The following C12orf42 variants were observed in gnomAD, a reference collection of about 807,000 sequenced individuals.
The protein encoded by C12orf42 is chromosome 12 open reading frame 42.
Under a neutral mutation model 21.6 loss-of-function variants are expected in C12orf42, and 25 were observed. The observed-to-expected ratio is 1.16, with a 90% confidence interval of 0.84 to 1.62. The LOEUF (loss-of-function observed/expected upper bound fraction) is 1.62. Among genes scored for constraint, C12orf42 ranks in the 40% most tolerant of loss-of-function variants. C12orf42 has a pLI of 0.00. For synonymous variants in C12orf42, 174 were observed against 175.0 expected (o/e 0.99, Z 0.05); for missense variants, 483 against 459.3 (o/e 1.05, Z -0.47).
chr12:103,230,370 A>G, the C12orf42 span, among the ~76,000 whole-genome samples: 1 of 152,160 alleles, frequency 6.6e-6, no homozygotes, highest in South Asian at 2.1e-4. Flanking sequence ...TGACAGAAAG[A>G]ACTACTCTAG....
At chr12:103,056,057 T>C in the C12orf42 span, among the ~76,000 whole-genome samples, 1 of 152,138 alleles carries the variant, frequency 6.6e-6, no homozygotes, top group Non-Finnish European at 1.5e-5. Context: ...ATTTTTTTGG[T>C]GAAGGTTTTG....
chr12:103,157,442 T>C, the C12orf42 span, among the ~76,000 whole-genome samples: 16 of 152,192 alleles, frequency 1.1e-4, no homozygotes, highest in South Asian at 2.1e-3. Context: ...ACTTTGATGA[T>C]AGTTTATTTT....
chr12:103,219,304 A>T, the C12orf42 span, among the ~76,000 whole-genome samples: 1 of 152,232 alleles, frequency 6.6e-6, no homozygotes, highest in Admixed American at 6.5e-5. Flanking sequence ...AACCATAAAA[A>T]CCCTAGAAGA....
At chr12:103,052,082 A>G in the C12orf42 span, among the ~76,000 whole-genome samples, 1 of 152,296 alleles carries the variant, frequency 6.6e-6, no homozygotes, top group Non-Finnish European at 1.5e-5. Context: ...TTAATATTTA[A>G]CAGTTTCTTT....
At chr12:103,225,363 C>T in the C12orf42 span, among the ~76,000 whole-genome samples, 1 of 152,112 alleles carries the variant, frequency 6.6e-6, no homozygotes, top group Non-Finnish European at 1.5e-5. Flanking sequence ...AAAGGCCATG[C>T]TATAGCAGGT....
intron 2 of C12orf42, among the ~76,000 whole-genome samples, chr12:103,442,177 A>T (rs901687889): frequency 1.3e-5 from 2 of 152,118 alleles, no homozygotes; most frequent in Non-Finnish European, 2.9e-5. Flanking sequence ...CTGAAATTCC[A>T]CATTATGAAA....
chr12:103,455,838 C>T (rs534227306), intron 2 of C12orf42, among the ~76,000 whole-genome samples: 1 of 152,006 alleles, frequency 6.6e-6, no homozygotes, highest in South Asian at 2.1e-4. Flanking sequence ...TACAATATTC[C>T]TTTTTGCTCT....
chr12:103,402,452 T>C (rs1218473601), intron 2 of C12orf42, among the ~76,000 whole-genome samples: 4 of 152,210 alleles, frequency 2.6e-5, no homozygotes, highest in Admixed American at 6.5e-5. Flanking sequence ...CTCAAGGTCT[T>C]TGACTTTCTG....
chr12:103,421,143 T>C (rs994737624), intron 2 of C12orf42, among the ~76,000 whole-genome samples: 6 of 152,096 alleles, frequency 3.9e-5, no homozygotes, highest in African/African-American at 1.4e-4. Flanking sequence ...TGTCTCACAG[T>C]GCCTAGCCTG....
intron 5 of C12orf42, among the ~76,000 whole-genome samples, chr12:103,304,318 T>C (rs1444188636): frequency 6.6e-6 from 1 of 151,220 alleles, no homozygotes; most frequent in Non-Finnish European, 1.5e-5. Flanking sequence ...AGAAGGAATA[T>C]GCAGGCAATA....
intron 4 of C12orf42, among the ~76,000 whole-genome samples, chr12:103,333,279 C>CT (rs1249678950): frequency 1.3e-5 from 2 of 152,172 alleles, no homozygotes; most frequent in Non-Finnish European, 2.9e-5. Flanking sequence ...GTTAGTTACT[C>CT]TCTCTGGGTC....
At chr12:103,374,322 T>C (rs1023504973) in intron 3 of C12orf42, among the ~76,000 whole-genome samples, 7 of 152,286 alleles carry the variant, frequency 4.6e-5, no homozygotes, top group East Asian at 1.9e-4. Flanking sequence ...TCACATTCCA[T>C]TGGCTGCTTG....
chr12:103,246,928 G>A (rs915609148), intron 10 of C12orf42, among the ~76,000 whole-genome samples: 3 of 151,978 alleles, frequency 2.0e-5, no homozygotes, highest in Non-Finnish European at 4.4e-5. Context: ...TAGCAGGTAT[G>A]CTTCATTTTT....
intron 5 of C12orf42, among the ~76,000 whole-genome samples, chr12:103,305,417 T>A (rs914737143): frequency 2.0e-5 from 3 of 152,188 alleles, no homozygotes; most frequent in Non-Finnish European, 4.4e-5. Context: ...TTGTCATTTT[T>A]TACAGATGAA....
At chr12:103,356,623 T>G (rs1593585831) in intron 4 of C12orf42, among the ~76,000 whole-genome samples, 1 of 151,848 alleles carries the variant, frequency 6.6e-6, no homozygotes, top group South Asian at 2.1e-4. Flanking sequence ...ATGGTTGAAC[T>G]AGTTTACAGT....
At chr12:103,050,629 A>G in the C12orf42 span, among the ~76,000 whole-genome samples, 2 of 152,052 alleles carry the variant, frequency 1.3e-5, no homozygotes, top group African/African-American at 4.8e-5. Flanking sequence ...TCGTGCCAGG[A>G]CAAGCAGCCC....
chr12:103,137,871 G>T, the C12orf42 span, among the ~76,000 whole-genome samples: 1 of 152,050 alleles, frequency 6.6e-6, no homozygotes, highest in African/African-American at 2.4e-5. Context: ...GCCAGGCAGG[G>T]TGTGTGGGGG....
intron 2 of C12orf42, among the ~76,000 whole-genome samples, chr12:103,430,408 A>G (rs1256103369): frequency 6.6e-6 from 1 of 152,228 alleles, no homozygotes; most frequent in Non-Finnish European, 1.5e-5. Flanking sequence ...CAAAACCACA[A>G]TGAGATACCA....
chr12:103,421,946 T>A (rs1359369239), intron 2 of C12orf42, among the ~76,000 whole-genome samples: 1 of 152,196 alleles, frequency 6.6e-6, no homozygotes, highest in Non-Finnish European at 1.5e-5. Context: ...AATAAGATGG[T>A]CAGAAATTAT....
Sources: allele counts gnomAD v4.1 joint callset (sites outside exome capture counted in the v4.1 genomes callset), GRCh38; gene constraint gnomAD v4.1.1; transcripts MANE v1.5; gene names NCBI Gene and HGNC (gene_info 2026-07-23, HGNC 2026-07-21).